Variants in SIPA1L3 observed in about 807,000 individuals in gnomAD.
SIPA1L3 encodes the protein signal induced proliferation associated 1 like 3.
A neutral mutation model predicts 150.1 loss-of-function variants in SIPA1L3; 59 were observed. That is an observed-to-expected ratio of 0.39 (90% confidence interval 0.32 to 0.49). The LOEUF (loss-of-function observed/expected upper bound fraction) is 0.49. Among genes scored for constraint, SIPA1L3 ranks in the 20% least tolerant of loss-of-function variants. The pLI is 0.86. For synonymous variants in SIPA1L3, 1,070 were observed against 1,077.6 expected (o/e 0.99, Z 0.14); for missense variants, 2,211 against 2,489.5 (o/e 0.89, Z 2.38).
chr19:38,192,776 T>C (rs994860282), intron 17 of SIPA1L3, among the ~76,000 whole-genome samples: 1 of 152,152 alleles, frequency 6.6e-6, no homozygotes, highest in African/African-American at 2.4e-5. Context: ...CCTGCCCTAC[T>C]CGTCCTCACT....
intron 6 of SIPA1L3, among the ~76,000 whole-genome samples, chr19:38,105,740 G>A (rs936947657): frequency 8.5e-5 from 13 of 152,126 alleles, no homozygotes; most frequent in Non-Finnish European, 1.5e-4. Context: ...TGCTGCAGCC[G>A]CGACTCATTC....
intron 8 of SIPA1L3, among the ~76,000 whole-genome samples, chr19:38,115,394 CAGAGCTAGAG>C (rs1001971414): frequency 3.3e-4 from 50 of 152,318 alleles, no homozygotes; most frequent in Non-Finnish European, 5.0e-4. Context: ...ACCCAGGTGA[CAGAGCTAGAG>C]AGATCTTCCT....
At chr19:38,054,161 A>G (rs1843571002) in intron 2 of SIPA1L3, among the ~76,000 whole-genome samples, 1 of 151,618 alleles carries the variant, frequency 6.6e-6, no homozygotes, top group Non-Finnish European at 1.5e-5. Flanking sequence ...CCTGACCAAC[A>G]TGGAGAAACC....
intron 4 of SIPA1L3, among the ~76,000 whole-genome samples, chr19:38,089,741 G>C (rs1970220077): frequency 6.6e-6 from 1 of 152,230 alleles, no homozygotes; most frequent in Non-Finnish European, 1.5e-5. Context: ...GGGCACCCAT[G>C]CTCTATTAGG....
chr19:38,130,475 T>A (rs1371676681), intron 9 of SIPA1L3, 23 bp from the exon 10 acceptor site: 1 of 1,594,758 alleles, frequency 6.3e-7, no homozygotes, highest in Non-Finnish European at 8.6e-7. Context: ...CTTCTGAGGC[T>A]CGATCCTGCC....
chr19:38,021,055 C>T (rs1380699179), intron 1 of SIPA1L3, among the ~76,000 whole-genome samples: 1 of 152,210 alleles, frequency 6.6e-6, no homozygotes, highest in Non-Finnish European at 1.5e-5. Context: ...CCTGCCTCAG[C>T]CTCCCAAAGT....
chr19:37,952,307 C>G (rs2046771644), intron 1 of SIPA1L3, among the ~76,000 whole-genome samples: 1 of 152,174 alleles, frequency 6.6e-6, no homozygotes, highest in Non-Finnish European at 1.5e-5. Context: ...AATTGGGTCT[C>G]TGCCACTTGC....
At position 38,199,386 on chromosome 19, in the gene SIPA1L3, C is replaced by T. The variant is rs186738154; in HGVS notation, c.4984+854C>T. ...GCTGCCCAGACACTGACCACTCCCC[C>T]GCAACCGTGGGCCACAGGAAAGGGC... On this transcript the variant is annotated intron_variant, in intron 19 of 21. Transcript: ENST00000222345. Among the ~76,000 whole-genome samples the T allele has an allele frequency of 6.2e-3, 944 of 152,278 alleles. 4 individuals are homozygous for T. Among genetic ancestry groups the T allele is most frequent in the Middle Eastern group, 0.031 (9 of 294 alleles).
At chr19:37,910,964 G>T (rs531000731) in intron 1 of SIPA1L3, among the ~76,000 whole-genome samples, 1 of 151,906 alleles carries the variant, frequency 6.6e-6, no homozygotes, top group Non-Finnish European at 1.5e-5. Flanking sequence ...TATGTGATTG[G>T]GTTGAATTTA....
rs866732280 is a variant in SIPA1L3 at position 38,118,808 on chromosome 19, A to G, written c.2292-498A>G. 2.0e-5 allele frequency among the ~76,000 whole-genome samples: 3 copies of G among 152,162 alleles called. No individual in the cohort carries two copies. The South Asian group carries it at 6.2e-4, about 32-fold the overall frequency. ...CTCAGCCTCCCAAAGTGCTGGGATT[A>G]CAGGTATGAGCCACTGCGCCCAGCC... On this transcript the variant is annotated intron_variant, in intron 8 of 21. Transcript: ENST00000222345.
At chr19:38,139,177 C>G (rs557348048) in intron 10 of SIPA1L3, among the ~76,000 whole-genome samples, 424 of 152,204 alleles carry the variant, frequency 2.8e-3, no homozygotes, top group Non-Finnish European at 4.9e-3. Context: ...GCCTGGGTGA[C>G]AGAGCAAGAC....
intron 21 of SIPA1L3, among the ~76,000 whole-genome samples, chr19:38,205,330 C>T (rs542672974): frequency 2.6e-5 from 4 of 151,744 alleles, no homozygotes; most frequent in Admixed American, 1.3e-4. Flanking sequence ...TGGTGGTGCA[C>T]GCCTGTAATC....
chr19:37,981,897 AT>A (rs1967211291), intron 1 of SIPA1L3, among the ~76,000 whole-genome samples: 1 of 152,136 alleles, frequency 6.6e-6, no homozygotes, highest in Non-Finnish European at 1.5e-5. Context: ...GAGATGGAGA[AT>A]TTTCCTAATC....
chr19:38,153,247 A>T (rs1034390639), intron 13 of SIPA1L3, among the ~76,000 whole-genome samples: 4 of 152,240 alleles, frequency 2.6e-5, no homozygotes, highest in African/African-American at 9.6e-5. Flanking sequence ...GCTGGGAGCC[A>T]CCAGGGAAGG....
intron 2 of SIPA1L3, among the ~76,000 whole-genome samples, chr19:38,039,936 C>G (rs1398780897): frequency 6.6e-6 from 1 of 151,964 alleles, no homozygotes; most frequent in East Asian, 1.9e-4. Context: ...GGCAACATAG[C>G]AAGACCGCAT....
intron 15 of SIPA1L3, among the ~76,000 whole-genome samples, chr19:38,173,361 A>G (rs1203800497): frequency 6.6e-6 from 1 of 152,200 alleles, no homozygotes; most frequent in Non-Finnish European, 1.5e-5. Flanking sequence ...CCCTCCAGAC[A>G]TTCGTCATGG....
intron 7 of SIPA1L3, chr19:38,109,968 G>A (rs1452982974): frequency 3.0e-5 from 13 of 432,594 alleles, no homozygotes; most frequent in Non-Finnish European, 5.1e-5. Context: ...GGGGACTCAG[G>A]AAGAATGTTC....
At chr19:38,076,172 C>T (rs1025870120) in intron 2 of SIPA1L3, among the ~76,000 whole-genome samples, 1 of 151,726 alleles carries the variant, frequency 6.6e-6, no homozygotes, top group African/African-American at 2.4e-5. Context: ...TAAGTAAATA[C>T]ATAAATAAAT....
intron 3 of SIPA1L3, among the ~76,000 whole-genome samples, chr19:38,085,729 C>T (rs1225037199): frequency 6.6e-6 from 1 of 152,222 alleles, no homozygotes; most frequent in Non-Finnish European, 1.5e-5. Flanking sequence ...CGCATTGGCT[C>T]ATGCCTGTAA....
Sources: allele counts gnomAD v4.1 joint callset (sites outside exome capture counted in the v4.1 genomes callset), GRCh38; gene constraint gnomAD v4.1.1; transcripts MANE v1.5; gene names NCBI Gene and HGNC (gene_info 2026-07-23, HGNC 2026-07-21).